Variants in DACH1 observed in about 807,000 individuals in gnomAD.
The protein encoded by DACH1 is dachshund family transcription factor 1.
In DACH1, 12 loss-of-function variants were observed where a neutral mutation model predicts 54.2. The ratio of observed to expected loss-of-function variants is 0.22; its 90% CI spans 0.14 to 0.36. The LOEUF (loss-of-function observed/expected upper bound fraction) is 0.36. DACH1 is among the 10% of genes least tolerant of loss of function. The pLI is 1.00. For missense variants in DACH1, 805 were observed against 929.8 expected, an observed-to-expected ratio of 0.87 and a Z score of 1.75; for synonymous variants, 386 against 366.2, an observed-to-expected ratio of 1.05 and a Z score of -0.62.
At chr13:71,639,663 T>C (rs960935457) in intron 2 of DACH1, among the ~76,000 whole-genome samples, 1 of 152,056 alleles carries the variant, frequency 6.6e-6, no homozygotes, top group East Asian at 1.9e-4. Flanking sequence ...GAAGAGGTTA[T>C]AGAAGTGAAA....
intron 10 of DACH1, among the ~76,000 whole-genome samples, chr13:71,473,221 A>G (rs1877238165): frequency 6.6e-6 from 1 of 151,940 alleles, no homozygotes; most frequent in Admixed American, 6.5e-5. Flanking sequence ...GAATGAATAA[A>G]GTGAGTGAGG....
At chr13:71,622,563 A>C (rs1044769875) in intron 3 of DACH1, among the ~76,000 whole-genome samples, 11 of 151,890 alleles carry the variant, frequency 7.2e-5, no homozygotes, top group African/African-American at 2.7e-4. Flanking sequence ...TTACACTGAA[A>C]TATGTGGTTT....
chr13:71,471,107 G>T (rs1304107557), intron 10 of DACH1, among the ~76,000 whole-genome samples: 1 of 152,072 alleles, frequency 6.6e-6, no homozygotes, highest in African/African-American at 2.4e-5. Context: ...AATAGGTGGG[G>T]AAAGAAGTGA....
intron 3 of DACH1, among the ~76,000 whole-genome samples, chr13:71,586,775 C>T (rs1873311698): frequency 6.6e-6 from 1 of 151,914 alleles, no homozygotes; most frequent in Non-Finnish European, 1.5e-5. Context: ...TTCATTCTGC[C>T]CAGGAAGAGT....
At chr13:71,772,712 C>G (rs1214798119) in intron 1 of DACH1, among the ~76,000 whole-genome samples, 2 of 151,614 alleles carry the variant, frequency 1.3e-5, no homozygotes, top group Non-Finnish European at 1.5e-5. Flanking sequence ...CATAAAAACT[C>G]TAAAGTTACA....
chr13:71,663,451 G>A (rs965297264), intron 2 of DACH1, among the ~76,000 whole-genome samples: 1 of 151,922 alleles, frequency 6.6e-6, no homozygotes, highest in Non-Finnish European at 1.5e-5. Flanking sequence ...TAGAGCCTAG[G>A]TTCAGGTGAA....
chr13:71,776,655 A>C (rs1886078039), intron 1 of DACH1, among the ~76,000 whole-genome samples: 1 of 152,082 alleles, frequency 6.6e-6, no homozygotes, highest in Non-Finnish European at 1.5e-5. Flanking sequence ...ATGTGAAATA[A>C]TCTTATACAG....
At chr13:71,534,709 G>A (rs1455622989) in intron 6 of DACH1, among the ~76,000 whole-genome samples, 1 of 151,598 alleles carries the variant, frequency 6.6e-6, no homozygotes, top group East Asian at 1.9e-4. Flanking sequence ...AGAAAAAAAT[G>A]AATAAGAGGT....
intron 3 of DACH1, among the ~76,000 whole-genome samples, chr13:71,598,029 C>G (rs377513359): frequency 3.4e-5 from 5 of 148,250 alleles, no homozygotes; most frequent in African/African-American, 1.3e-4. Flanking sequence ...ACAGTGAGCC[C>G]AGAGGGCTCC....
chr13:71,559,950 A>G lies in DACH1; in HGVS notation c.1305T>C (p.Arg435=), dbSNP rs749854969. ...SRVETSVIKE[R]VPDSPSPAPS... ...GGGCAGGTGAGGGGCTATCAGGAAC[A>G]CGCTCCTGCACCAGCAAGAGAGGGA... The change falls in exon 5 of 11, where the codon CGT becomes CGC. Residue 435 remains arginine (R), a synonymous_variant. Coordinates refer to ENST00000613252, the MANE Select transcript of DACH1 (RefSeq NM_080759.6). The G allele has an allele frequency of 3.8e-5, 59 of 1,547,774 alleles. No individual in the cohort carries two copies. In the East Asian group the frequency reaches 1.3e-3, roughly 35 times the overall value.
At chr13:71,791,108 T>A (rs1886810994) in intron 1 of DACH1, among the ~76,000 whole-genome samples, 1 of 152,196 alleles carries the variant, frequency 6.6e-6, no homozygotes, top group African/African-American at 2.4e-5. Context: ...TGTATTAATG[T>A]ACAATGGGCC....
At chr13:71,656,316 T>A (rs1325985193) in intron 2 of DACH1, among the ~76,000 whole-genome samples, 1 of 152,180 alleles carries the variant, frequency 6.6e-6, no homozygotes, top group Non-Finnish European at 1.5e-5. Flanking sequence ...CAGTATCAGA[T>A]CAAGTAACTC....
At chr13:71,769,574 A>G (rs1056446026) in intron 1 of DACH1, among the ~76,000 whole-genome samples, 11 of 151,784 alleles carry the variant, frequency 7.2e-5, no homozygotes, top group East Asian at 1.9e-4. Flanking sequence ...AAAATAGTAG[A>G]TTGTATATCA....
In DACH1 at chr13:71,458,782, T is replaced by C. The variant is rs530053698; in HGVS notation, c.2083+16359A>G. 5.3e-5 allele frequency among the ~76,000 whole-genome samples: 8 copies of C among 152,032 alleles called. No homozygotes were observed. The East Asian group carries it at 1.5e-3, about 29-fold the overall frequency. On this transcript the variant is annotated intron_variant, in intron 10 of 10. Transcript: ENST00000613252. ...AATGCATAAGTATTTCACACCTTTA[T>C]ATAAATAAAACCTGACCTAAAATTC...
chr13:71,596,631 T>G (rs1470920870), intron 3 of DACH1, among the ~76,000 whole-genome samples: 1 of 152,178 alleles, frequency 6.6e-6, no homozygotes, highest in Non-Finnish European at 1.5e-5. Context: ...CCTCAAATAG[T>G]TAAATTATCT....
At chr13:71,857,487 C>T (rs908784958) in intron 1 of DACH1, among the ~76,000 whole-genome samples, 1 of 151,520 alleles carries the variant, frequency 6.6e-6, no homozygotes, top group Non-Finnish European at 1.5e-5. Context: ...TGTATTCCTA[C>T]ACAACACATA....
In DACH1 at chr13:71,761,812, G is replaced by A. The variant is rs887607973; in HGVS notation, c.849-79902C>T. On this transcript the variant is annotated intron_variant, in intron 1 of 10. Coordinates refer to ENST00000613252, the MANE Select transcript of DACH1 (RefSeq NM_080759.6). ...AATTTGTATAATAAAATCAGGAGTA[G>A]GGGATCCTTATATTACTATCAAGAT... 7.2e-5 allele frequency among the ~76,000 whole-genome samples: 11 copies of A among 152,136 alleles called. No individual in the cohort carries two copies. The East Asian group carries it at 2.1e-3, about 29-fold the overall frequency.
intron 4 of DACH1, among the ~76,000 whole-genome samples, chr13:71,561,603 T>C (rs2138386878): frequency 6.6e-6 from 1 of 152,228 alleles, no homozygotes; most frequent in Non-Finnish European, 1.5e-5. Flanking sequence ...TTTGAACTTC[T>C]AGACTCCAAT....
chr13:71,807,369 C>G (rs1006813490), intron 1 of DACH1, among the ~76,000 whole-genome samples: 2 of 150,096 alleles, frequency 1.3e-5, no homozygotes, highest in Non-Finnish European at 2.9e-5. Flanking sequence ...ATTCGCACTT[C>G]CCTCGCCCCT....
Sources: allele counts gnomAD v4.1 joint callset (sites outside exome capture counted in the v4.1 genomes callset), GRCh38; gene constraint gnomAD v4.1.1; transcripts MANE v1.5; gene names NCBI Gene and HGNC (gene_info 2026-07-23, HGNC 2026-07-21).